PLXNA4: variants seen among roughly 807,000 people sequenced by gnomAD.
PLXNA4 encodes the protein plexin A4.
Under a neutral mutation model 191.8 loss-of-function variants are expected in PLXNA4, and 44 were observed. The ratio of observed to expected loss-of-function variants is 0.23; its 90% CI spans 0.18 to 0.29. The LOEUF (loss-of-function observed/expected upper bound fraction) is 0.29, where lower values mean the gene tolerates loss of function less well. Ranked by LOEUF, PLXNA4 falls within the 10% of genes least tolerant of loss-of-function variation. The probability of loss-of-function intolerance (pLI) is 1.00; values close to 1 mark genes in which losing one functional copy is unlikely to be tolerated. For synonymous variants in PLXNA4, 1,082 were observed against 1,009.5 expected (o/e 1.07, Z -1.36); for missense variants, 1,800 against 2,488.8 (o/e 0.72, Z 5.89).
intron 2 of PLXNA4, among the ~76,000 whole-genome samples, chr7:132,609,505 T>C (rs1803005553): frequency 6.6e-6 from 1 of 152,216 alleles, no homozygotes; most frequent in African/African-American, 2.4e-5. Context: ...ACCACCCTTC[T>C]TGTGGCTATC....
Position 132,365,360 on chromosome 7 carries a change from T to TGTGTGTGTGCGCGCGC in PLXNA4, c.1372-67139_1372-67138insGCGCGCGCACACACAC. Among the ~76,000 whole-genome samples, 213 of 128,802 alleles carry TGTGTGTGTGCGCGCGC rather than the reference T, an allele frequency of 1.7e-3. 3 individuals carry two copies. Among genetic ancestry groups the TGTGTGTGTGCGCGCGC allele is most frequent in the East Asian group, 0.012 (57 of 4,712 alleles). 84.5% of individuals were successfully genotyped at this position (128,802 alleles called of 152,430 possible). A position where few individuals can be genotyped will look rare whatever the true frequency, so the allele number is the denominator to read the frequency against. ...GTGTGTGTGTGTGTGTGTGTGTGTG[T>TGTGTGTGTGCGCGCGC]GCGTGCGCGCGCATGCATGGGGCAA... On this transcript the variant is annotated intron_variant, in intron 3 of 31. Coordinates refer to ENST00000321063, the MANE Select transcript of PLXNA4 (RefSeq NM_020911.2).
intron 3 of PLXNA4, among the ~76,000 whole-genome samples, chr7:132,391,310 A>C (rs1805400613): frequency 1.3e-5 from 2 of 152,108 alleles, no homozygotes; most frequent in South Asian, 4.1e-4. Flanking sequence ...CCCTTCCCTT[A>C]CTCGATCTCC....
intron 30 of PLXNA4, among the ~76,000 whole-genome samples, chr7:132,136,383 T>G (rs1019970394): frequency 7.9e-5 from 12 of 152,204 alleles, no homozygotes; most frequent in African/African-American, 2.9e-4. Context: ...GCATTCTGCC[T>G]TCAGGTGAGC....
At chr7:132,477,915 G>C (rs1451011464) in intron 3 of PLXNA4, among the ~76,000 whole-genome samples, 1 of 152,120 alleles carries the variant, frequency 6.6e-6, no homozygotes, top group Non-Finnish European at 1.5e-5. Flanking sequence ...ACATTATGAG[G>C]CTATTAATTT....
intron 3 of PLXNA4, chr7:132,385,227 C>T: frequency 6.2e-7 from 1 of 1,614,052 alleles, no homozygotes; most frequent in African/African-American, 1.3e-5. Flanking sequence ...GTTCCAGAGT[C>T]ACTGTTGCTC....
intron 3 of PLXNA4, among the ~76,000 whole-genome samples, chr7:132,330,040 C>A (rs777236095): frequency 2.6e-4 from 39 of 152,174 alleles, no homozygotes; most frequent in Non-Finnish European, 5.1e-4. Flanking sequence ...CAGAAAGTGC[C>A]ACGGACATGC....
chr7:132,317,273 T>A (rs1441883535), intron 3 of PLXNA4, among the ~76,000 whole-genome samples: 1 of 151,632 alleles, frequency 6.6e-6, no homozygotes, highest in Non-Finnish European at 1.5e-5. Context: ...TTGGGTTGGA[T>A]TGGATTGGAT....
intron 2 of PLXNA4, among the ~76,000 whole-genome samples, chr7:132,631,079 C>T (rs1298598407): frequency 6.6e-6 from 1 of 152,170 alleles, no homozygotes; most frequent in Non-Finnish European, 1.5e-5. Context: ...AAAGACTCAA[C>T]CACTTGCATA....
chr7:132,317,248 C>CTGGGT (rs536430397), intron 3 of PLXNA4, among the ~76,000 whole-genome samples: 224 of 142,258 alleles, frequency 1.6e-3, no homozygotes, highest in African/African-American at 5.5e-3. Flanking sequence ...TTAGATTGGA[C>CTGGGT]TGGGTTGGGT....
chr7:132,131,297 T>C (rs1458609532), intron 31 of PLXNA4, among the ~76,000 whole-genome samples: 10 of 151,888 alleles, frequency 6.6e-5, no homozygotes, highest in Non-Finnish European at 5.9e-5. Context: ...GCTCTGCCAG[T>C]TTCTAGCTTG....
At chr7:132,433,874 A>AG (rs574601325) in intron 3 of PLXNA4, among the ~76,000 whole-genome samples, 1 of 152,292 alleles carries the variant, frequency 6.6e-6, no homozygotes, top group Non-Finnish European at 1.5e-5. Context: ...GAGTAGGCAG[A>AG]GGGGGGAAAT....
chr7:132,613,610 C>T (rs1162259552), intron 2 of PLXNA4, among the ~76,000 whole-genome samples: 4 of 151,916 alleles, frequency 2.6e-5, no homozygotes, highest in African/African-American at 7.3e-5. Flanking sequence ...AGTGAGTGGG[C>T]GACGGGGTGA....
At chr7:132,202,581 C>T in intron 12 of PLXNA4, 65 bp downstream of exon 12, 1 of 1,369,440 alleles carries the variant, frequency 7.3e-7, no homozygotes, top group Non-Finnish European at 9.5e-7. Context: ...GCAGAGTTTC[C>T]ACAGGGTGTG....
intron 9 of PLXNA4, 148 bp from the exon 10 acceptor site, chr7:132,211,291 G>C: frequency 1.3e-6 from 1 of 759,674 alleles, no homozygotes; most frequent in Non-Finnish European, 2.1e-6. Context: ...CCACCCAGTG[G>C]GCAATGCACT....
intron 2 of PLXNA4, among the ~76,000 whole-genome samples, chr7:132,498,802 A>G (rs1585227915): frequency 1.3e-5 from 2 of 152,190 alleles, no homozygotes; most frequent in East Asian, 3.9e-4. Context: ...CAGGATAGAA[A>G]GTCATTGTGT....
chr7:132,523,060 A>C (rs942525876), intron 1 of PLXNA4, among the ~76,000 whole-genome samples: 11 of 152,126 alleles, frequency 7.2e-5, no homozygotes, highest in African/African-American at 2.7e-4. Context: ...CCATGTCTTC[A>C]TGCATTCGTT....
intron 9 of PLXNA4, among the ~76,000 whole-genome samples, chr7:132,215,143 TA>T (rs2116919996): frequency 6.6e-6 from 1 of 152,246 alleles, no homozygotes; most frequent in Admixed American, 6.5e-5. Context: ...CTTCACATCT[TA>T]GGATAACTCT....
intron 2 of PLXNA4, among the ~76,000 whole-genome samples, chr7:132,608,706 G>A (rs1175466138): frequency 6.6e-6 from 1 of 151,752 alleles, no homozygotes; most frequent in Non-Finnish European, 1.5e-5. Flanking sequence ...GCACTCCTGC[G>A]ACAGCCTAAA....
intron 4 of PLXNA4, among the ~76,000 whole-genome samples, chr7:132,275,992 T>C (rs889370363): frequency 3.9e-5 from 6 of 152,356 alleles, no homozygotes; most frequent in Middle Eastern, 3.4e-3. Flanking sequence ...AAGAGCTTCC[T>C]GGGCCACCTA....
Sources: allele counts gnomAD v4.1 joint callset (sites outside exome capture counted in the v4.1 genomes callset), GRCh38; gene constraint gnomAD v4.1.1; transcripts MANE v1.5; gene names NCBI Gene and HGNC (gene_info 2026-07-23, HGNC 2026-07-21).